BPTF: variants seen among roughly 807,000 people sequenced by gnomAD.
BPTF encodes the protein bromodomain PHD finger transcription factor, also known as nucleosome-remodeling factor subunit BPTF.
In BPTF, 18 loss-of-function variants were observed where a neutral mutation model predicts 292.5. That is an observed-to-expected ratio of 0.06 (90% CI 0.04 to 0.09). The LOEUF is 0.09. Among genes scored for constraint, BPTF ranks in the 10% least tolerant of loss-of-function variants. BPTF has a pLI of 1.00. For missense variants in BPTF, 2,726 were observed against 3,498.7 expected (o/e 0.78, Z 5.57); for synonymous variants, 1,225 against 1,251.9 (o/e 0.98, Z 0.45).
At chr17:67,907,631 C>T (rs2146784468) in intron 9 of BPTF, among the ~76,000 whole-genome samples, 1 of 152,306 alleles carries the variant, frequency 6.6e-6, no homozygotes, top group Non-Finnish European at 1.5e-5. Flanking sequence ...GCTGGGATTA[C>T]AGGTGTGAGT....
At chr17:67,889,698 C>T (rs1005090616) in intron 4 of BPTF, among the ~76,000 whole-genome samples, 1 of 152,154 alleles carries the variant, frequency 6.6e-6, no homozygotes, top group Non-Finnish European at 1.5e-5. Flanking sequence ...ATCCCAGCTA[C>T]TTGGGAGGCT....
At chr17:67,973,126 G>A (rs868945546) in intron 26 of BPTF, among the ~76,000 whole-genome samples, 9 of 147,944 alleles carry the variant, frequency 6.1e-5, no homozygotes, top group South Asian at 2.1e-4. Flanking sequence ...TGTAATCCCA[G>A]CACTTTGGGA....
At chr17:67,971,695 T>G (rs1432066863) in intron 26 of BPTF, among the ~76,000 whole-genome samples, 2 of 151,696 alleles carry the variant, frequency 1.3e-5, no homozygotes, top group Non-Finnish European at 2.9e-5. Flanking sequence ...TCCCAGCTAC[T>G]CAGGAAGCTG....
At chr17:67,915,673 G>C (rs889546079) in intron 11 of BPTF, among the ~76,000 whole-genome samples, 8 of 151,990 alleles carry the variant, frequency 5.3e-5, no homozygotes, top group African/African-American at 1.9e-4. Context: ...CCTTGCCTTT[G>C]ATCAGCAACC....
rs200623895 is a variant in BPTF, at chr17:67,931,963, T to A, written c.6203T>A (p.Leu2068His). Residue 2068 changes from leucine to histidine, a missense_variant, in exon 18 of 28, where the codon CTC becomes CAC. By Grantham distance (99) the Leu-to-His change is moderately conservative (BLOSUM62 -3). This residue lies in a region of BPTF where 570 missense variants were observed against 633.5 expected (regional missense o/e 0.90). Transcript: ENST00000306378. ...GGTATGACCGTGATTAGAACACCAC[T>A]CCAACAGTCAACACTAGGAAAGGCA... ...RPGMTVIRTPLQQSTLGKAII... is the reference protein window; with the variant it reads ...RPGMTVIRTPHQQSTLGKAII... The A allele has an allele frequency of 6.2e-7, 1 of 1,614,130 alleles. No individual in the cohort carries two copies. Among genetic ancestry groups the A allele is most frequent in the Non-Finnish European group, 8.5e-7 (1 of 1,180,016 alleles).
At chr17:67,886,338 T>G (rs1266655642) in intron 4 of BPTF, 2 of 1,490,350 alleles carry the variant, frequency 1.3e-6, no homozygotes, top group Non-Finnish European at 9.0e-7. Context: ...CTTCATCCAT[T>G]CCTTTAAAGG....
chr17:67,973,823 AC>A (rs1273487192), intron 26 of BPTF: 9 of 151,760 alleles, frequency 5.9e-5, no homozygotes, highest in South Asian at 2.1e-4. Flanking sequence ...TTATGAATGA[AC>A]TCCTTTCCCT....
In BPTF at chr17:67,945,822, T is replaced by A; in HGVS notation, c.7114T>A (p.Ser2372Thr). Reference protein sequence around the residue: ...GQQSQVQTTTSQPIPIQPHTS... With the variant: ...GQQSQVQTTTTQPIPIQPHTS... ...ACAATCCCAGGTTCAGACTACAACC[T>A]CACAACCGATTCCAATTCAACCACA... Residue 2372 changes from serine to threonine, a missense_variant, in exon 21 of 28, where the codon TCA becomes ACA. Ser to Thr is a moderately conservative substitution (Grantham distance 58). Transcript: ENST00000306378. 1 of 1,614,068 alleles carries A rather than the reference T, an allele frequency of 6.2e-7. No homozygotes were observed. The highest frequency in any genetic ancestry group is 1.3e-5 in the African/African-American group (1 of 74,992).
chr17:67,925,589 CT>C (rs1257710493), intron 15 of BPTF, among the ~76,000 whole-genome samples: 1 of 152,180 alleles, frequency 6.6e-6, no homozygotes, highest in African/African-American at 2.4e-5. Flanking sequence ...ATGATTACCA[CT>C]TATTCCTATT....
In BPTF at chr17:67,904,685, G is replaced by A. The variant is rs781648487; in HGVS notation, c.2674-17G>A. 1.0e-5 allele frequency: 16 copies of A among 1,577,538 alleles called. No individual in the cohort carries two copies. Among genetic ancestry groups the A allele is most frequent in the Non-Finnish European group, 1.4e-5 (16 of 1,157,038 alleles). On this transcript the variant is annotated splice_polypyrimidine_tract_variant and intron_variant, in intron 8 of 27. Coordinates refer to ENST00000306378, the MANE Select transcript of BPTF (RefSeq NM_182641.4). The stretch of plus-strand genomic sequence containing the variant: ...GTTATTCTTATTGTTTAATCAAAAT[G>A]TTTTCATTTACACCAGGTTTGGAAA...
chr17:67,912,547 T>A lies in BPTF; in HGVS notation c.4663T>A (p.Ser1555Thr). ...TSSPITSEEE[S>T]NLSNDFIDEN... ...ATCACCTATTACTTCTGAAGAGGAA[T>A]CTAATCTCAGTAATGACTTTATTGA... The change falls in exon 11 of 28, where the codon TCT (serine) becomes ACT (threonine). Residue 1555 changes from serine to threonine, a missense_variant. Transcript: ENST00000306378. The A allele has an allele frequency of 1.2e-6, 2 of 1,614,010 alleles. No individual in the cohort carries two copies. The highest frequency in any genetic ancestry group is 1.7e-6 in the Non-Finnish European group (2 of 1,179,958).
chr17:67,897,452 T>C (rs985991597), intron 7 of BPTF, among the ~76,000 whole-genome samples: 1 of 149,600 alleles, frequency 6.7e-6, no homozygotes, highest in Non-Finnish European at 1.5e-5. Context: ...ACAGGGTCAC[T>C]AACACAGTAT....
intron 20 of BPTF, 54 bp downstream of exon 20, chr17:67,944,426 G>T: frequency 6.4e-7 from 1 of 1,572,108 alleles, no homozygotes; most frequent in Non-Finnish European, 8.7e-7. Context: ...ACGTGGCTGG[G>T]CTAACAGAGG....
intron 7 of BPTF, among the ~76,000 whole-genome samples, chr17:67,903,276 G>A (rs539404840): frequency 1.4e-4 from 21 of 152,224 alleles, no homozygotes; most frequent in Middle Eastern, 3.4e-3. Flanking sequence ...TTTGGTCTTC[G>A]TTTTTTGGAA....
At chr17:67,883,752 C>T (rs1317142170) in intron 4 of BPTF, among the ~76,000 whole-genome samples, 4 of 152,146 alleles carry the variant, frequency 2.6e-5, no homozygotes, top group Non-Finnish European at 2.9e-5. Flanking sequence ...AGGCGCCTGC[C>T]GCTGTGCCCA....
intron 9 of BPTF, among the ~76,000 whole-genome samples, chr17:67,907,356 C>T (rs2062291279): frequency 6.8e-6 from 1 of 147,086 alleles, no homozygotes; most frequent in African/African-American, 2.5e-5. Context: ...CAAAGTTTAT[C>T]ACTTTTTTTT....
intron 13 of BPTF, 41 bp from the exon 14 acceptor site, chr17:67,922,799 G>A: frequency 1.3e-6 from 2 of 1,558,004 alleles, no homozygotes; most frequent in Non-Finnish European, 1.7e-6. Flanking sequence ...TTTAATTTTA[G>A]AAGCAATATT....
chr17:67,966,361 CAA>C (rs1404945587), intron 25 of BPTF: 3 of 480,040 alleles, frequency 6.2e-6, no homozygotes, highest in African/African-American at 2.0e-5. Context: ...ATTCCCAACA[CAA>C]AGTCTTCTGA....
At chr17:67,832,793 T>TC (rs1326112623) in intron 1 of BPTF, among the ~76,000 whole-genome samples, 19 of 142,688 alleles carry the variant, frequency 1.3e-4, no homozygotes, top group Non-Finnish European at 2.7e-4. Flanking sequence ...CTTTTTTTTT[T>TC]TTTTTTTTTT....
Sources: gnomAD v4.1 joint callset for allele counts (sites outside exome capture counted in the v4.1 genomes callset) on GRCh38, gnomAD v4.1.1 for gene constraint, gnomAD v4.1.1 regional missense constraint, MANE v1.5 for transcripts, NCBI Gene and HGNC (gene_info 2026-07-23, HGNC 2026-07-21) for gene names.